Variants in EYS observed in about 807,000 individuals in gnomAD.
EYS encodes the protein protein eyes shut homolog.
Under a neutral mutation model 282.1 loss-of-function variants are expected in EYS, and 250 were observed. The ratio of observed to expected loss-of-function variants is 0.89; its 90% confidence interval spans 0.80 to 0.98. The LOEUF is 0.98. EYS is among the 50% of genes least tolerant of loss of function. EYS has a pLI of 0.00. For missense variants in EYS, 4,016 were observed against 3,709.0 expected, an observed-to-expected ratio of 1.08 and a Z score of -2.15; for synonymous variants, 1,355 against 1,282.9, an observed-to-expected ratio of 1.06 and a Z score of -1.20.
rs183637453 is a variant in EYS at position 64,822,250 on chromosome 6, T to G, written c.3164+401A>C. On this transcript the variant is annotated intron_variant, in intron 20 of 42. Transcript: ENST00000503581. ...CAGATTCATAGAGTCATAAAATACT[T>G]TTCATACACATAGGGCTGAAAGAAC... Among the ~76,000 whole-genome samples the G allele has an allele frequency of 2.2e-3, 329 of 152,132 alleles. 1 individual carries two copies. Among genetic ancestry groups the G allele is most frequent in the African/African-American group, 7.7e-3 (319 of 41,556 alleles).
chr6:65,654,236 A>G (rs760336935), intron 1 of EYS, among the ~76,000 whole-genome samples: 9 of 151,818 alleles, frequency 5.9e-5, no homozygotes, highest in Non-Finnish European at 1.2e-4. Context: ...TCAGCCAGAA[A>G]TAGCCTATGA....
chr6:65,456,043 A>G (rs12204156), intron 5 of EYS, among the ~76,000 whole-genome samples: 11 of 104,912 alleles, frequency 1.0e-4, no homozygotes, highest in Non-Finnish European at 2.3e-4. Context: ...GAAAGAAAGA[A>G]AGAGAAAGAA....
intron 31 of EYS, among the ~76,000 whole-genome samples, chr6:64,123,295 T>C (rs1324309085): frequency 6.6e-6 from 1 of 152,218 alleles, no homozygotes; most frequent in Non-Finnish European, 1.5e-5. Flanking sequence ...GTTACTAATA[T>C]TATATTAAAA....
chr6:64,813,491 A>T lies in EYS; in HGVS notation c.3330T>A (p.Thr1110=), dbSNP rs1168519730. The change falls in exon 22 of 43, where the codon ACT becomes ACA. Residue 1110 remains threonine, a synonymous_variant. Coordinates refer to ENST00000503581, the MANE Select transcript of EYS (RefSeq NM_001142800.2). The part of the protein sequence containing the change: ...GFTCICPRGY[T]GAYCEKSIDN... ...CAATGCTTTTTTCACAGTATGCACC[A>T]GTGTATCCACGTGGGCAAATGCAAG... 1 of 1,550,580 alleles carries T rather than the reference A, an allele frequency of 6.4e-7. No homozygotes were observed. The highest frequency in any genetic ancestry group is 2.4e-5 in the East Asian group (1 of 40,894).
At chr6:64,394,721 G>A (rs952249214) in intron 28 of EYS, among the ~76,000 whole-genome samples, 2 of 152,048 alleles carry the variant, frequency 1.3e-5, no homozygotes, top group South Asian at 4.1e-4. Flanking sequence ...ATAGGCATGG[G>A]CAAGGACTTC....
chr6:64,324,235 A>G (rs777725780), intron 29 of EYS, among the ~76,000 whole-genome samples: 10 of 152,204 alleles, frequency 6.6e-5, no homozygotes, highest in African/African-American at 1.2e-4. Flanking sequence ...AATTCTTAAC[A>G]AAATACTAAC....
intron 39 of EYS, 54 bp from the exon 40 acceptor site, chr6:63,778,234 CAAG>C (rs926959867): frequency 3.0e-5 from 45 of 1,492,860 alleles, no homozygotes; most frequent in Middle Eastern, 1.7e-4. Flanking sequence ...ATAGAAAAAA[CAAG>C]AAGAAGGTTA....
chr6:64,689,017 G>A (rs1162448858), intron 22 of EYS, among the ~76,000 whole-genome samples: 1 of 152,104 alleles, frequency 6.6e-6, no homozygotes, highest in African/African-American at 2.4e-5. Flanking sequence ...ATTAGGAAAA[G>A]AGGAAGTCAA....
chr6:64,274,369 G>A (rs1023790040), intron 30 of EYS, among the ~76,000 whole-genome samples: 4 of 151,346 alleles, frequency 2.6e-5, no homozygotes, highest in African/African-American at 7.3e-5. Flanking sequence ...GACGGGTTTC[G>A]TCATTTTGCC....
At chr6:63,933,696 G>A (rs1003554609) in intron 35 of EYS, among the ~76,000 whole-genome samples, 1 of 152,002 alleles carries the variant, frequency 6.6e-6, no homozygotes. Flanking sequence ...TAGTGGCTCC[G>A]AGCCACCAGC....
chr6:65,615,686 G>A (rs1766166348), intron 2 of EYS, among the ~76,000 whole-genome samples: 1 of 152,040 alleles, frequency 6.6e-6, no homozygotes, highest in Admixed American at 6.6e-5. Context: ...TGTAATCCCA[G>A]CACTTTGGGA....
At position 64,723,450 on chromosome 6, in the gene EYS, A is replaced by G. The variant is rs79760524; in HGVS notation, c.3443+89928T>C. 3.2e-3 allele frequency among the ~76,000 whole-genome samples: 483 copies of G among 152,304 alleles called. 24 individuals carry two copies. The East Asian group carries it at 0.081, about 25-fold the overall frequency. On this transcript the variant is annotated intron_variant, in intron 22 of 42. Transcript: ENST00000503581. ...GCTTTAATAATCTTTATTGCATCAT[A>G]TTTGTGAAAATTATACTACATCACT...
rs115433706 is a variant in EYS, at chr6:64,706,278, G to A, written c.3444-80033C>T. Among the ~76,000 whole-genome samples the A allele has an allele frequency of 4.6e-3, 694 of 152,200 alleles. 5 individuals are homozygous for A. Among genetic ancestry groups the A allele is most frequent in the African/African-American group, 0.016 (647 of 41,536 alleles). On this transcript the variant is annotated intron_variant, in intron 22 of 42. Coordinates refer to ENST00000503581, the MANE Select transcript of EYS (RefSeq NM_001142800.2). ...TAATTGGCAAGCCACACGTAGATGCGTGAAACTGGATCCTCATCTCTCACC... is the reference window on the plus strand; with the variant it reads ...TAATTGGCAAGCCACACGTAGATGCATGAAACTGGATCCTCATCTCTCACC...
At chr6:64,315,014 A>C (rs1769887562) in intron 29 of EYS, among the ~76,000 whole-genome samples, 2 of 152,082 alleles carry the variant, frequency 1.3e-5, no homozygotes, top group South Asian at 4.1e-4. Context: ...TCAACAAACT[A>C]GATACACCAC....
At chr6:64,569,591 A>G (rs1765658982) in intron 26 of EYS, among the ~76,000 whole-genome samples, 1 of 151,934 alleles carries the variant, frequency 6.6e-6, no homozygotes, top group Non-Finnish European at 1.5e-5. Flanking sequence ...AATACAAGAA[A>G]TTAGCCAGGC....
At chr6:64,522,195 G>A (rs184622353) in intron 26 of EYS, among the ~76,000 whole-genome samples, 8 of 151,764 alleles carry the variant, frequency 5.3e-5, no homozygotes, top group African/African-American at 1.9e-4. Flanking sequence ...AAAAACGAGT[G>A]TTCAATTTCA....
intron 26 of EYS, among the ~76,000 whole-genome samples, chr6:64,576,176 T>C (rs1765872827): frequency 1.3e-5 from 2 of 152,242 alleles, no homozygotes; most frequent in African/African-American, 2.4e-5. Context: ...TACATCATCC[T>C]TGACTAGCCA....
chr6:64,507,960 C>T (rs77235538), intron 26 of EYS, among the ~76,000 whole-genome samples: 1,562 of 152,248 alleles, frequency 0.01, 28 homozygotes, highest in African/African-American at 0.035. Context: ...ACACTTGAGA[C>T]GGTTCCTGAG....
Position 64,590,828 on chromosome 6 carries a change from T to C in EYS, c.5039A>G (p.Asn1680Ser). Residue 1680 changes from asparagine to serine, a missense_variant, in exon 26 of 43, where the codon AAT becomes AGT. By Grantham distance (46) the Asn-to-Ser change is conservative. Transcript: ENST00000503581. Reference sequence around the variant, plus strand: ...AGTCATTTTTGAAGTCAAATCAGAATTCATCAAGTCTGAAGAGATAGTTTG... The same window carrying C: ...AGTCATTTTTGAAGTCAAATCAGAACTCATCAAGTCTGAAGAGATAGTTTG... Reference protein sequence around the residue: ...PSQTISSDLMNSDLTSKMTTD... With the variant: ...PSQTISSDLMSSDLTSKMTTD... The C allele has an allele frequency of 1.3e-6, 2 of 1,550,494 alleles. No individual in the cohort carries two copies. Among genetic ancestry groups the C allele is most frequent in the Non-Finnish European group, 1.7e-6 (2 of 1,146,428 alleles).
Sources: allele counts gnomAD v4.1 joint callset (sites outside exome capture counted in the v4.1 genomes callset), GRCh38; gene constraint gnomAD v4.1.1; transcripts MANE v1.5; gene names NCBI Gene and HGNC (gene_info 2026-07-23, HGNC 2026-07-21).